Variants in DDX6 observed in about 807,000 individuals in gnomAD.
DDX6 encodes DEAD-box helicase 6, also known as probable ATP-dependent RNA helicase DDX6.
DDX6 carries 7 observed loss-of-function variants against 60.6 expected under a neutral mutation model. That is an observed-to-expected ratio of 0.12 (90% CI 0.07 to 0.22). DDX6 has a LOEUF of 0.22. Among genes scored for constraint, DDX6 ranks in the 10% least tolerant of loss-of-function variants. The pLI is 1.00. For missense variants in DDX6, 270 were observed against 589.9 expected, an observed-to-expected ratio of 0.46 and a Z score of 5.62; for synonymous variants, 207 against 201.0, an observed-to-expected ratio of 1.03 and a Z score of -0.25.
chr11:118,752,944 G>T (rs1236617352), intron 13 of DDX6, among the ~76,000 whole-genome samples: 1 of 152,054 alleles, frequency 6.6e-6, no homozygotes, highest in Non-Finnish European at 1.5e-5. Flanking sequence ...AAAAAAGATG[G>T]GAAGACAGGT....
rs992449697 is a variant in DDX6 at position 118,786,172 on chromosome 11, G to A, written c.80C>T (p.Pro27Leu). The stretch of plus-strand genomic sequence containing the variant: ...GCCCCCTCCTCCAGGGCCACCAGTG[G>A]GTTTCACAGGGCCTCTCAGCTGACC... The part of the protein sequence containing the change: ...QNGQLRGPVK[P>L]TGGPGGGGTQ... The change falls in exon 2 of 14, where the codon CCC (proline) becomes CTC (leucine). Residue 27 changes from proline to leucine, a missense_variant. By Grantham distance (98) the Pro-to-Leu change is moderately conservative. Transcript: ENST00000534980. 1 of 1,613,856 alleles carries A rather than the reference G, an allele frequency of 6.2e-7. No individual in the cohort carries two copies. The highest frequency in any genetic ancestry group is 8.5e-7 in the Non-Finnish European group (1 of 1,179,894).
rs782020260 is a variant in DDX6, at chr11:118,768,247, C to T, written c.475G>A (p.Asp159Asn). 1.2e-6 allele frequency: 2 copies of T among 1,613,818 alleles called. No homozygotes were observed. The highest frequency in any genetic ancestry group is 2.2e-5 in the East Asian group (1 of 44,868). ...CCTTGTATATTGTCCTTCTTCAGGT[C>T]TAGCCGTTCAAGTAAGGGAATGAGG... ...AYLIPLLERL[D>N]LKKDNIQAMV... Residue 159 changes from aspartate to asparagine, a missense_variant, in exon 5 of 14, where the codon GAC becomes AAC. Transcript: ENST00000534980.
rs1309776162 is a variant in DDX6 at position 118,747,906 on chromosome 11, C to CG, written c.*4198_*4199insC. The CG allele has an allele frequency of 7.6e-6, 1 of 131,168 alleles. No homozygotes were observed. The highest frequency in any genetic ancestry group is 1.6e-5 in the Non-Finnish European group (1 of 61,286). 8.1% of individuals were successfully genotyped at this position (131,168 alleles called of 1,614,324 possible). A position where few individuals can be genotyped will look rare whatever the true frequency, so the allele number is the denominator to read the frequency against. On this transcript the variant is annotated 3_prime_UTR_variant, in exon 14 of 14. Coordinates refer to ENST00000534980, the MANE Select transcript of DDX6 (RefSeq NM_004397.6). ...CACATCCCAACAAAAACAGAGCCCC[C>CG]CCCCCCCCCACTGGAACATCTGCCA...
intron 3 of DDX6, among the ~76,000 whole-genome samples, chr11:118,780,106 CTCTA>C (rs1861841929): frequency 1.2e-5 from 1 of 84,152 alleles, no homozygotes; most frequent in African/African-American, 4.6e-5. Context: ...CAGAGCCAGA[CTCTA>C]TCTCAAAAAA....
chr11:118,781,228 T>C (rs782599951), intron 2 of DDX6, 44 bp from the exon 3 acceptor site: 29 of 1,256,488 alleles, frequency 2.3e-5, no homozygotes, highest in Non-Finnish European at 3.2e-5. Context: ...ATTCATAGCA[T>C]CCTAACAAAG....
At chr11:118,754,434 T>G (rs1860893295) in intron 13 of DDX6, among the ~76,000 whole-genome samples, 1 of 152,306 alleles carries the variant, frequency 6.6e-6, no homozygotes, top group South Asian at 2.1e-4. Flanking sequence ...TGAAAAACAT[T>G]CTTTTTTGCT....
chr11:118,757,015 G>C (rs1282390127), intron 10 of DDX6, among the ~76,000 whole-genome samples, 156 bp downstream of exon 10: 1 of 152,002 alleles, frequency 6.6e-6, no homozygotes, highest in African/African-American at 2.4e-5. Flanking sequence ...CTATTTTATT[G>C]CTAGAAAATT....
At chr11:118,789,689 C>G (rs1250209770) in intron 1 of DDX6, 1 of 152,168 alleles carries the variant, frequency 6.6e-6, no homozygotes, top group African/African-American at 2.4e-5. Context: ...AGAGACTTAG[C>G]TGTTTGCAGA....
intron 8 of DDX6, 107 bp downstream of exon 8, chr11:118,759,815 A>G: frequency 1.6e-6 from 2 of 1,249,292 alleles, no homozygotes; most frequent in Non-Finnish European, 2.1e-6. Context: ...AAAGGCTTGA[A>G]ATAATTAGCA....
chr11:118,749,365 A>AAAAAAAAAAAAAAAAAG lies in DDX6; in HGVS notation c.*2723_*2739dup. ...GAGGGCCCAAAAAAGAAAGAAAAAA[A>AAAAAAAAAAAAAAAAAG]AAAAAAAAAAAAAAAAGACCAGGCT... On this transcript the variant is annotated 3_prime_UTR_variant, in exon 14 of 14. Transcript: ENST00000534980. 6.8e-6 allele frequency: 1 copy of AAAAAAAAAAAAAAAAAG among 147,510 alleles called. No homozygotes were observed. 9.1% of individuals were successfully genotyped at this position (147,510 alleles called of 1,614,324 possible).
rs1477295436 is a variant in DDX6 at position 118,751,255 on chromosome 11, T to C, written c.*850A>G. The stretch of plus-strand genomic sequence containing the variant: ...GTAACCCAGTCTTTAGTGTCTGCTA[T>C]AGAGCACAAAGGCTTGTCATATGGC... On this transcript the variant is annotated 3_prime_UTR_variant, in exon 14 of 14. Coordinates refer to ENST00000534980, the MANE Select transcript of DDX6 (RefSeq NM_004397.6). The C allele has an allele frequency of 1.3e-5, 2 of 152,306 alleles. No homozygotes were observed. The highest frequency in any genetic ancestry group is 4.1e-4 in the South Asian group (2 of 4,824). The allele number at this position is 152,306 out of a possible 1,614,324, so 9.4% of individuals were successfully genotyped here. A position where few individuals can be genotyped will look rare whatever the true frequency, so the allele number is the denominator to read the frequency against.
At chr11:118,758,563 G>T (rs949516055) in intron 9 of DDX6, among the ~76,000 whole-genome samples, 2 of 152,014 alleles carry the variant, frequency 1.3e-5, no homozygotes, top group Non-Finnish European at 2.9e-5. Flanking sequence ...AGTAGAGATG[G>T]GGTTTCACCA....
At position 118,753,336 on chromosome 11, in the gene DDX6, CTTTTTTT is replaced by C. The variant is rs34191912; in HGVS notation, c.*8-1246_*8-1240del. 2.4e-4 allele frequency among the ~76,000 whole-genome samples: 16 copies of C among 67,416 alleles called. No homozygotes were observed. In the South Asian group the frequency reaches 5.2e-3, roughly 22 times the overall value. The allele number at this position is 67,416 out of a possible 152,430, so 44.2% of individuals were successfully genotyped here. On this transcript the variant is annotated intron_variant, in intron 13 of 13. Coordinates refer to ENST00000534980, the MANE Select transcript of DDX6 (RefSeq NM_004397.6). ...TGAGCCACTGAGCCAGCCCAAGTGG[CTTTTTTT>C]TTTTTTTTTTTTTTGAGATGGAGTC...
At chr11:118,765,999 A>G (rs757007655) in intron 5 of DDX6, among the ~76,000 whole-genome samples, 11 of 152,120 alleles carry the variant, frequency 7.2e-5, no homozygotes, top group Non-Finnish European at 1.3e-4. Flanking sequence ...TGAACCCGAG[A>G]GGCAGAGATT....
chr11:118,757,453 T>G, intron 9 of DDX6, among the ~76,000 whole-genome samples, 166 bp from the exon 10 acceptor site: 1 of 152,198 alleles, frequency 6.6e-6, no homozygotes, highest in Non-Finnish European at 1.5e-5. Flanking sequence ...AAATAATAGA[T>G]GGAAGATAAT....
chr11:118,763,171 A>G (rs1416986197), intron 7 of DDX6, 41 bp downstream of exon 7: 3 of 1,404,134 alleles, frequency 2.1e-6, no homozygotes, highest in East Asian at 4.9e-5. Flanking sequence ...CAAAGCACAG[A>G]AAAGTACAGA....
chr11:118,768,987 CAAAAAAA>C lies in DDX6; in HGVS notation c.370-642_370-636del, dbSNP rs782136763. On this transcript the variant is annotated intron_variant, in intron 4 of 13. Coordinates refer to ENST00000534980, the MANE Select transcript of DDX6 (RefSeq NM_004397.6). Reference sequence around the variant, plus strand: ...GCATGAAAGAGACCTCGTCTCATCTCAAAAAAAAAAAAAAAAAAAAAAGGCTAGATAC... The same window carrying C: ...GCATGAAAGAGACCTCGTCTCATCTCAAAAAAAAAAAAAAAGGCTAGATAC... Among the ~76,000 whole-genome samples, 62 of 39,990 alleles carry C rather than the reference CAAAAAAA, an allele frequency of 1.6e-3. 3 individuals carry two copies. In the South Asian group the frequency reaches 0.07, roughly 45 times the overall value. The allele number at this position is 39,990 out of a possible 152,430, so 26.2% of individuals were successfully genotyped here. A position where few individuals can be genotyped will look rare whatever the true frequency, so the allele number is the denominator to read the frequency against.
In DDX6 at chr11:118,786,377, T is replaced by A; in HGVS notation, c.-126A>T. 2.6e-6 allele frequency: 2 copies of A among 758,264 alleles called. No homozygotes were observed. The highest frequency in any genetic ancestry group is 2.0e-6 in the Non-Finnish European group (1 of 494,998). The allele number at this position is 758,264 out of a possible 1,614,324, so 47.0% of individuals were successfully genotyped here. A position where few individuals can be genotyped will look rare whatever the true frequency, so the allele number is the denominator to read the frequency against. The stretch of plus-strand genomic sequence containing the variant: ...ATATAAGTCTTGCTCAATAAATGAG[T>A]CCTTTATTGCAATGCAGGCAAGCAC... On this transcript the variant is annotated 5_prime_UTR_variant, in exon 2 of 14. Transcript: ENST00000534980.
In DDX6 at chr11:118,748,066, A is replaced by T. The variant is rs1253186755; in HGVS notation, c.*4039T>A. 1.3e-5 allele frequency: 2 copies of T among 152,142 alleles called. No homozygotes were observed. The highest frequency in any genetic ancestry group is 4.8e-5 in the African/African-American group (2 of 41,514). The allele number at this position is 152,142 out of a possible 1,614,324, so 9.4% of individuals were successfully genotyped here. ...CTACCATTTTTACTGAACAAAAAAT[A>T]ATTTTTTTTCCTGTTTCAAAAAAGG... On this transcript the variant is annotated 3_prime_UTR_variant, in exon 14 of 14. Transcript: ENST00000534980.
Sources: allele counts gnomAD v4.1 joint callset (sites outside exome capture counted in the v4.1 genomes callset), GRCh38; gene constraint gnomAD v4.1.1; transcripts MANE v1.5; gene names NCBI Gene and HGNC (gene_info 2026-07-23, HGNC 2026-07-21).